Variants in KCNMA1 observed in about 807,000 individuals in gnomAD.
KCNMA1 encodes Calcium-activated potassium channel subunit alpha-1.
KCNMA1 carries 29 observed loss-of-function variants against 140.0 expected under a neutral mutation model. The ratio of observed to expected loss-of-function variants is 0.21; its 90% CI spans 0.15 to 0.28. The LOEUF is 0.28. Ranked by LOEUF, KCNMA1 falls within the 10% of genes least tolerant of loss-of-function variation. KCNMA1 has a pLI of 1.00. For missense variants in KCNMA1, 880 were observed against 1,602.2 expected, an observed-to-expected ratio of 0.55 and a Z score of 7.70; for synonymous variants, 612 against 611.9, an observed-to-expected ratio of 1.00 and a Z score of 0.00.
chr10:77,024,417 C>A (rs1174459078), intron 16 of KCNMA1, among the ~76,000 whole-genome samples: 1 of 151,954 alleles, frequency 6.6e-6, no homozygotes, highest in Admixed American at 6.6e-5. Context: ...CACACAATTA[C>A]AAACACAAAC....
chr10:76,907,203 A>T (rs1204168095), intron 25 of KCNMA1, among the ~76,000 whole-genome samples: 1 of 152,208 alleles, frequency 6.6e-6, no homozygotes, highest in Non-Finnish European at 1.5e-5. Context: ...TTGCATCCAA[A>T]CATGCCTTAG....
intron 5 of KCNMA1, among the ~76,000 whole-genome samples, chr10:77,123,304 A>G (rs2097665514): frequency 6.6e-6 from 1 of 152,172 alleles, no homozygotes; most frequent in African/African-American, 2.4e-5. Context: ...TGGTTGTTCA[A>G]GAATAAAAGT....
intron 23 of KCNMA1, among the ~76,000 whole-genome samples, chr10:76,942,767 G>A (rs1429284547): frequency 6.6e-6 from 1 of 152,152 alleles, no homozygotes; most frequent in Non-Finnish European, 1.5e-5. Flanking sequence ...TGGGGAAAGG[G>A]AGTGTTTTCC....
At chr10:77,385,012 G>T (rs2095553834) in intron 2 of KCNMA1, among the ~76,000 whole-genome samples, 1 of 152,118 alleles carries the variant, frequency 6.6e-6, no homozygotes, top group African/African-American at 2.4e-5. Context: ...CTGAGCCTTG[G>T]TTTTCTCACC....
chr10:77,370,481 G>C (rs993231745), intron 2 of KCNMA1, among the ~76,000 whole-genome samples: 24 of 152,058 alleles, frequency 1.6e-4, no homozygotes, highest in African/African-American at 5.3e-4. Context: ...CACCCCTGCC[G>C]CTGCCTGTTT....
At chr10:76,903,382 C>T (rs993348896) in intron 25 of KCNMA1, 1 of 152,176 alleles carries the variant, frequency 6.6e-6, no homozygotes, top group African/African-American at 2.4e-5. Flanking sequence ...CATGTCATAG[C>T]TGCCATTTTT....
At chr10:77,060,493 C>G (rs900695759) in intron 14 of KCNMA1, among the ~76,000 whole-genome samples, 5 of 152,214 alleles carry the variant, frequency 3.3e-5, no homozygotes, top group African/African-American at 1.2e-4. Context: ...TACTTGTTTT[C>G]TAGTTTCACA....
intron 1 of KCNMA1, among the ~76,000 whole-genome samples, chr10:77,446,333 T>C (rs1333919238): frequency 6.6e-6 from 1 of 152,188 alleles, no homozygotes; most frequent in African/African-American, 2.4e-5. Flanking sequence ...TGAGGGGCTA[T>C]TAGATGCCCA....
chr10:77,000,865 T>A (rs1378114925), intron 19 of KCNMA1, among the ~76,000 whole-genome samples: 2,590 of 17,130 alleles, frequency 0.15, 321 homozygotes, highest in Middle Eastern at 0.22. Flanking sequence ...AAAATATATA[T>A]ATATATATAT....
At chr10:77,017,715 C>G (rs1300176907) in intron 17 of KCNMA1, among the ~76,000 whole-genome samples, 1 of 152,142 alleles carries the variant, frequency 6.6e-6, no homozygotes, top group Non-Finnish European at 1.5e-5. Flanking sequence ...CTCAGCGTAT[C>G]AGGCTTAACC....
chr10:77,298,058 C>A (rs2075655485), intron 2 of KCNMA1, among the ~76,000 whole-genome samples: 1 of 152,122 alleles, frequency 6.6e-6, no homozygotes, highest in South Asian at 2.1e-4. Context: ...AACTGGCAAC[C>A]TAGACATTTA....
chr10:77,141,014 G>A (rs2098155210), intron 5 of KCNMA1, among the ~76,000 whole-genome samples: 1 of 152,244 alleles, frequency 6.6e-6, no homozygotes, highest in Non-Finnish European at 1.5e-5. Flanking sequence ...TCATAAGGAG[G>A]ATTCCCTTAG....
chr10:77,060,140 A>G (rs1248343414), intron 14 of KCNMA1, among the ~76,000 whole-genome samples: 1 of 152,196 alleles, frequency 6.6e-6, no homozygotes, highest in Non-Finnish European at 1.5e-5. Flanking sequence ...GCTCCCCCAA[A>G]TTGGTCTATA....
intron 2 of KCNMA1, among the ~76,000 whole-genome samples, chr10:77,264,158 G>A (rs1407495812): frequency 1.3e-5 from 2 of 152,096 alleles, no homozygotes; most frequent in East Asian, 3.9e-4. Context: ...CGAAAGCCTG[G>A]CCCACAGCCC....
At chr10:77,425,490 C>T (rs560734834) in intron 1 of KCNMA1, among the ~76,000 whole-genome samples, 13 of 152,238 alleles carry the variant, frequency 8.5e-5, no homozygotes, top group Admixed American at 8.5e-4. Flanking sequence ...TCTGTTGAAA[C>T]CTGCCCATGG....
At chr10:77,496,120 G>T (rs1436091996) in intron 1 of KCNMA1, among the ~76,000 whole-genome samples, 1 of 152,148 alleles carries the variant, frequency 6.6e-6, no homozygotes, top group Non-Finnish European at 1.5e-5. Flanking sequence ...CATCCTCCAT[G>T]CAGCTGTGCC....
intron 5 of KCNMA1, among the ~76,000 whole-genome samples, chr10:77,139,538 G>A (rs773052249): frequency 2.5e-4 from 38 of 152,196 alleles, no homozygotes; most frequent in Non-Finnish European, 4.7e-4. Flanking sequence ...AAGTATTTGA[G>A]CTGTGCCTAC....
intron 23 of KCNMA1, among the ~76,000 whole-genome samples, chr10:76,933,540 G>A (rs1486383535): frequency 6.6e-6 from 1 of 152,160 alleles, no homozygotes; most frequent in Non-Finnish European, 1.5e-5. Context: ...GGCCTTTCCT[G>A]TTTCTGTGCC....
At chr10:77,508,129 C>T (rs1256662325) in intron 1 of KCNMA1, among the ~76,000 whole-genome samples, 1 of 152,134 alleles carries the variant, frequency 6.6e-6, no homozygotes, top group Non-Finnish European at 1.5e-5. Context: ...ATAAAACATT[C>T]AAATATGAAC....
Sources: allele counts gnomAD v4.1 joint callset (sites outside exome capture counted in the v4.1 genomes callset), GRCh38; gene constraint gnomAD v4.1.1; transcripts MANE v1.5; gene names NCBI Gene and HGNC (gene_info 2026-07-23, HGNC 2026-07-21).